DDRGK1: variants seen among roughly 807,000 people sequenced by gnomAD.
The protein encoded by DDRGK1 is DDRGK domain containing 1.
In DDRGK1, 38 loss-of-function variants were observed where a neutral mutation model predicts 45.8. That is an observed-to-expected ratio of 0.83 (90% CI 0.64 to 1.09). The LOEUF (loss-of-function observed/expected upper bound fraction) is 1.09, where lower values mean the gene tolerates loss of function less well. Ranked by LOEUF, DDRGK1 falls within the 50% of genes least tolerant of loss-of-function variation. The pLI is 0.00. For missense variants in DDRGK1, 403 were observed against 419.9 expected, an observed-to-expected ratio of 0.96 and a Z score of 0.35; for synonymous variants, 171 against 168.7, an observed-to-expected ratio of 1.01 and a Z score of -0.11.
At chr20:3,190,861 G>T in intron 8 of DDRGK1, 42 bp from the exon 9 acceptor site, 4 of 1,574,508 alleles carry the variant, frequency 2.5e-6, no homozygotes, top group Middle Eastern at 1.7e-4. Flanking sequence ...CCTCCTGGGC[G>T]TTCCCCATCT....
At chr20:3,190,947 G>C in intron 8 of DDRGK1, 128 bp from the exon 9 acceptor site, 1 of 1,388,492 alleles carries the variant, frequency 7.2e-7, no homozygotes, top group African/African-American at 1.4e-5. Context: ...GGACTTTCCT[G>C]GCTGCATCCA....
At chr20:3,193,374 T>C (rs2066997355) in intron 6 of DDRGK1, among the ~76,000 whole-genome samples, 1 of 152,128 alleles carries the variant, frequency 6.6e-6, no homozygotes, top group African/African-American at 2.4e-5. Context: ...GAAAAACTTT[T>C]TTTCTTTTTT....
Position 3,203,270 on chromosome 20 carries a change from C to A in DDRGK1, c.238G>T (p.Ala80Ser). The A allele has an allele frequency of 6.2e-7, 1 of 1,607,130 alleles. No homozygotes were observed. Among genetic ancestry groups the A allele is most frequent in the Middle Eastern group, 1.7e-4 (1 of 6,022 alleles). ...LGSRLQAQRRAQRVAWAEADE... is the reference protein window; with the variant it reads ...LGSRLQAQRRSQRVAWAEADE... Reference sequence around the variant, plus strand: ...GCTTCTGCCCAGGCCACCCGCTGGGCTCGACGCTGGGCCTGTAGGCGGCTG... The same window carrying A: ...GCTTCTGCCCAGGCCACCCGCTGGGATCGACGCTGGGCCTGTAGGCGGCTG... Residue 80 changes from alanine (A) to serine (S), a missense_variant, in exon 2 of 9, where the codon GCC becomes TCC. Coordinates refer to ENST00000354488, the MANE Select transcript of DDRGK1 (RefSeq NM_023935.3).
chr20:3,193,738 G>A (rs2066998640), intron 6 of DDRGK1, among the ~76,000 whole-genome samples: 1 of 152,200 alleles, frequency 6.6e-6, no homozygotes, highest in Admixed American at 6.5e-5. Context: ...CCTCCAGGGA[G>A]CCACCAAAAG....
At chr20:3,195,432 A>C in intron 4 of DDRGK1, 79 bp from the exon 5 acceptor site, 1 of 1,505,120 alleles carries the variant, frequency 6.6e-7, no homozygotes, top group Non-Finnish European at 8.8e-7. Context: ...CTACCCCTGC[A>C]GGACACCAGA....
At position 3,193,610 on chromosome 20, in the gene DDRGK1, A is replaced by T. The variant is rs1382445332; in HGVS notation, c.672+1220T>A. ...AGTCTCAAACTCCTGACCTCAAGTG[A>T]TCTGCCCGCCTCGGCCTCTCAAAGT... On this transcript the variant is annotated intron_variant, in intron 6 of 8. Coordinates refer to ENST00000354488, the MANE Select transcript of DDRGK1 (RefSeq NM_023935.3). Among the ~76,000 whole-genome samples the T allele has an allele frequency of 2.0e-5, 3 of 152,176 alleles. No individual in the cohort carries two copies. The South Asian group carries it at 6.2e-4, about 31-fold the overall frequency.
intron 4 of DDRGK1, among the ~76,000 whole-genome samples, chr20:3,198,012 A>C (rs954894769): frequency 7.0e-6 from 1 of 141,994 alleles, no homozygotes; most frequent in Admixed American, 7.3e-5. Context: ...GCTACTAGGG[A>C]GGCTGAGGCA....
intron 6 of DDRGK1, among the ~76,000 whole-genome samples, chr20:3,193,722 T>C (rs1403014596): frequency 1.3e-5 from 2 of 152,150 alleles, no homozygotes; most frequent in African/African-American, 2.4e-5. Context: ...TCCCAGAGAA[T>C]AGTTACCTCC....
chr20:3,197,880 T>G (rs1425458231), intron 4 of DDRGK1, among the ~76,000 whole-genome samples: 2 of 144,438 alleles, frequency 1.4e-5, no homozygotes, highest in African/African-American at 5.2e-5. Context: ...CAGTGAGCTA[T>G]CGCGCCACTG....
chr20:3,192,093 C>G (rs6107254), intron 6 of DDRGK1, among the ~76,000 whole-genome samples: 45 of 142,342 alleles, frequency 3.2e-4, no homozygotes, highest in Non-Finnish European at 4.3e-4. Flanking sequence ...AACCACCTGC[C>G]TCATGGGCCC....
intron 5 of DDRGK1, among the ~76,000 whole-genome samples, 159 bp downstream of exon 5, chr20:3,195,072 G>A (rs947570672): frequency 6.6e-6 from 1 of 152,212 alleles, no homozygotes; most frequent in South Asian, 2.1e-4. Flanking sequence ...AGCCTCTGCT[G>A]AGGACAAGGC....
rs1568501011 is a variant in DDRGK1 at position 3,200,000 on chromosome 20, C to T, written c.510+1G>A. The T allele has an allele frequency of 6.2e-7, 1 of 1,608,884 alleles. No individual in the cohort carries two copies. Among genetic ancestry groups the T allele is most frequent in the Non-Finnish European group, 8.5e-7 (1 of 1,177,896 alleles). ...GAGGTCAGGGTAGGGGCTGGCCTCA[C>T]CTTCTGCTCCTCCTCCAGGCGAAGC... On this transcript the variant is annotated splice_donor_variant, in intron 4 of 8. Transcript: ENST00000354488. LOFTEE classifies it high-confidence loss of function.
chr20:3,191,140 TAGACACTCTCCAAGGCC>T (rs1476359671), intron 8 of DDRGK1, 33 bp downstream of exon 8: 4 of 1,610,602 alleles, frequency 2.5e-6, no homozygotes, highest in Non-Finnish European at 3.4e-6. Flanking sequence ...CCCCTGTGGC[TAGACACTCTCCAAGGCC>T]AGGACTGCAG....
At position 3,199,839 on chromosome 20, in the gene DDRGK1, T is replaced by A. The variant is rs181984977; in HGVS notation, c.510+162A>T. 2.9e-3 allele frequency among the ~76,000 whole-genome samples: 436 copies of A among 152,314 alleles called. 9 individuals carry two copies. The highest frequency in any genetic ancestry group is 4.9e-3 in the Non-Finnish European group (336 of 68,020). ...CAGGCTCTGCTTTTCAGCAGTGGCT[T>A]TTCTAGGCTGTGGTGGAGCCTAGGG... On this transcript the variant is annotated intron_variant, in intron 4 of 8. Coordinates refer to ENST00000354488, the MANE Select transcript of DDRGK1 (RefSeq NM_023935.3).
At position 3,200,086 on chromosome 20, in the gene DDRGK1, C is replaced by G. The variant is rs190574404; in HGVS notation, c.425G>C (p.Arg142Pro). Residue 142 changes from arginine to proline, a missense_variant, in exon 4 of 9, where the codon CGT (arginine) becomes CCT (proline). By Grantham distance (103) the Arg-to-Pro change is moderately radical. Transcript: ENST00000354488. ...GGACTCGAGTCGTTTCCGCTCCTCA[C>G]GTTCAGCCTCCTCTGCCTGGAGAGA... is the stretch of plus-strand genomic sequence containing the variant. ...KAQREAEEAE[R>P]EERKRLESQR... 2 of 1,613,786 alleles carry G rather than the reference C, an allele frequency of 1.2e-6. No homozygotes were observed. The highest frequency in any genetic ancestry group is 1.7e-5 in the Admixed American group (1 of 59,982).
At position 3,203,324 on chromosome 20, in the gene DDRGK1, C is replaced by T; in HGVS notation, c.184G>A (p.Gly62Ser). 6.2e-7 allele frequency: 1 copy of T among 1,609,152 alleles called. No individual in the cohort carries two copies. The highest frequency in any genetic ancestry group is 8.5e-7 in the Non-Finnish European group (1 of 1,177,548). Residue 62 changes from glycine (G) to serine (S), a missense_variant, in exon 2 of 9, where the codon GGC becomes AGC. Physicochemically the swap from Gly to Ser is moderately conservative, Grantham distance 56. Coordinates refer to ENST00000354488, the MANE Select transcript of DDRGK1 (RefSeq NM_023935.3). ...AGGTCCCTCCGGCGCCGAGGCCTGCCTCCAGCTCTCGGCTCCTCAGGCTCC... is the reference window on the plus strand; with the variant it reads ...AGGTCCCTCCGGCGCCGAGGCCTGCTTCCAGCTCTCGGCTCCTCAGGCTCC... ...PLEPEEPRAG[G>S]RPRRRRDLGS...
intron 4 of DDRGK1, among the ~76,000 whole-genome samples, chr20:3,196,460 G>A (rs952180187): frequency 9.9e-5 from 15 of 151,304 alleles, no homozygotes; most frequent in East Asian, 3.9e-4. Context: ...GGCGGATCAC[G>A]AGGTCAGGAG....
intron 6 of DDRGK1, 104 bp downstream of exon 6, chr20:3,194,726 C>G: frequency 6.7e-7 from 1 of 1,486,498 alleles, no homozygotes; most frequent in Non-Finnish European, 9.3e-7. Flanking sequence ...CTGTCCACTC[C>G]TGCATGAGCC....
At chr20:3,194,101 G>A (rs150679760) in intron 6 of DDRGK1, among the ~76,000 whole-genome samples, 6 of 152,278 alleles carry the variant, frequency 3.9e-5, no homozygotes, top group Admixed American at 1.3e-4. Flanking sequence ...GCTGGCAGGC[G>A]TCTAAACCCT....
Sources: gnomAD v4.1 joint callset for allele counts (sites outside exome capture counted in the v4.1 genomes callset) on GRCh38, gnomAD v4.1.1 for gene constraint, MANE v1.5 for transcripts, NCBI Gene and HGNC (gene_info 2026-07-23, HGNC 2026-07-21) for gene names.